The following BLTP3B variants were observed in gnomAD, a reference collection of about 807,000 sequenced individuals.
The protein encoded by BLTP3B is UHRF1 (ICBP90) binding protein 1-like.
chr12:100,124,973 TATATA>T, the BLTP3B span, among the ~76,000 whole-genome samples: 99 of 104,972 alleles, frequency 9.4e-4, 1 homozygote, highest in African/African-American at 4.6e-3. Context: ...TATATATATA[TATATA>T]TTTATATTTA....
the BLTP3B span, among the ~76,000 whole-genome samples, chr12:100,043,945 T>C: frequency 6.6e-6 from 1 of 152,192 alleles, no homozygotes; most frequent in Non-Finnish European, 1.5e-5. Flanking sequence ...TGGTCCTGTT[T>C]CTCACTGCTT....
At chr12:100,128,604 G>A in the BLTP3B span, 1 of 1,272,848 alleles carries the variant, frequency 7.9e-7, no homozygotes, top group Non-Finnish European at 1.0e-6. Context: ...TTCAGAAAAA[G>A]GTCCCTATTC....
chr12:100,039,643 G>A, the BLTP3B span: 1 of 1,613,938 alleles, frequency 6.2e-7, no homozygotes, highest in Non-Finnish European at 8.5e-7. Flanking sequence ...TTAGCTGACT[G>A]AGAAGGCCAA....
At chr12:100,085,418 T>G in the BLTP3B span, among the ~76,000 whole-genome samples, 2 of 152,132 alleles carry the variant, frequency 1.3e-5, no homozygotes, top group Non-Finnish European at 2.9e-5. Flanking sequence ...GTTAAAAATT[T>G]TATGCATTTG....
chr12:100,109,154 G>C, the BLTP3B span, among the ~76,000 whole-genome samples: 2 of 132,180 alleles, frequency 1.5e-5, no homozygotes, highest in East Asian at 4.7e-4. Flanking sequence ...GTGTCTGGCA[G>C]TTTTCCTCTC....
the BLTP3B span, among the ~76,000 whole-genome samples, chr12:100,130,858 A>G: frequency 1.3e-5 from 2 of 151,992 alleles, no homozygotes; most frequent in African/African-American, 4.8e-5. Flanking sequence ...CAGGGGGTGG[A>G]GGTTGCAGTG....
At chr12:100,140,729 A>AAAATATATATATATATATAT in the BLTP3B span, among the ~76,000 whole-genome samples, 1 of 61,492 alleles carries the variant, frequency 1.6e-5, no homozygotes, top group African/African-American at 1.0e-4. Flanking sequence ...AAAAAAAAAA[A>AAAATATATATATATATATAT]ATATATATAT....
chr12:100,098,501 C>G, the BLTP3B span: 1 of 1,613,134 alleles, frequency 6.2e-7, no homozygotes, highest in Non-Finnish European at 8.5e-7. Flanking sequence ...TTTACAGAAA[C>G]AGAAATTCCC....
At chr12:100,123,847 T>A in the BLTP3B span, among the ~76,000 whole-genome samples, 6 of 152,124 alleles carry the variant, frequency 3.9e-5, no homozygotes, top group Admixed American at 1.3e-4. Context: ...CAATCTCATA[T>A]AACCAGTTTT....
the BLTP3B span, among the ~76,000 whole-genome samples, chr12:100,099,664 T>C: frequency 6.6e-6 from 1 of 151,554 alleles, no homozygotes; most frequent in African/African-American, 2.4e-5. Context: ...GGAGGATCTC[T>C]TGAGCCCAGG....
chr12:100,058,595 TA>T, the BLTP3B span: 2 of 1,613,864 alleles, frequency 1.2e-6, no homozygotes, highest in African/African-American at 2.7e-5. Context: ...AATAATCAGG[TA>T]CCACTGGGCT....
chr12:100,095,671 G>T, the BLTP3B span: 1 of 1,606,952 alleles, frequency 6.2e-7, no homozygotes. Flanking sequence ...GCTTACCTGT[G>T]TAGGTTCAGG....
At chr12:100,142,829 G>A in the BLTP3B span, 11 of 706,758 alleles carry the variant, frequency 1.6e-5, no homozygotes, top group African/African-American at 7.7e-5. Context: ...AGGCCGCCAC[G>A]GCCGCCGCGG....
the BLTP3B span, among the ~76,000 whole-genome samples, chr12:100,095,015 T>A: frequency 3.3e-5 from 5 of 152,210 alleles, no homozygotes; most frequent in African/African-American, 9.6e-5. Flanking sequence ...GATATAAAAA[T>A]TCATTTATAC....
the BLTP3B span, among the ~76,000 whole-genome samples, chr12:100,070,416 C>T: frequency 5.2e-4 from 79 of 151,964 alleles, no homozygotes; most frequent in Non-Finnish European, 1.1e-3. Context: ...GGTGCCACCA[C>T]GCACGGCTAA....
chr12:100,132,433 A>G, the BLTP3B span, among the ~76,000 whole-genome samples: 1 of 152,128 alleles, frequency 6.6e-6, no homozygotes, highest in African/African-American at 2.4e-5. Context: ...TTCTTGCAGT[A>G]GTAAGTTCTC....
chr12:100,108,204 T>C, the BLTP3B span, among the ~76,000 whole-genome samples: 1 of 152,228 alleles, frequency 6.6e-6, no homozygotes, highest in Non-Finnish European at 1.5e-5. Context: ...AAGTAGTTAA[T>C]ATATGCCTTT....
chr12:100,089,214 A>G, the BLTP3B span: 1 of 812,166 alleles, frequency 1.2e-6, no homozygotes, highest in Non-Finnish European at 1.8e-6. Flanking sequence ...CTTATTTTTC[A>G]TCAATAATAT....
At chr12:100,097,801 G>A in the BLTP3B span, among the ~76,000 whole-genome samples, 1 of 152,142 alleles carries the variant, frequency 6.6e-6, no homozygotes, top group African/African-American at 2.4e-5. Context: ...ACATATTTTA[G>A]TTTGGGGAAT....
Sources: allele counts gnomAD v4.1 joint callset (sites outside exome capture counted in the v4.1 genomes callset), GRCh38; gene constraint gnomAD v4.1.1; transcripts MANE v1.5; gene names NCBI Gene and HGNC (gene_info 2026-07-23, HGNC 2026-07-21).